GAREM1: variants seen among roughly 807,000 people sequenced by gnomAD.
The protein encoded by GAREM1 is GRB2 associated regulator of MAPK1 subtype 1, also known as GRB2-associated and regulator of MAPK protein 1.
In GAREM1, 26 loss-of-function variants were observed where a neutral mutation model predicts 71.3. The observed-to-expected ratio is 0.36, with a 90% CI of 0.27 to 0.51. The LOEUF is 0.51. GAREM1 is among the 20% of genes least tolerant of loss of function. The pLI is 0.95. For synonymous variants in GAREM1, 440 were observed against 433.2 expected, an observed-to-expected ratio of 1.02 and a Z score of -0.20; for missense variants, 1,026 against 1,103.1, an observed-to-expected ratio of 0.93 and a Z score of 0.99.
intron 2 of GAREM1, among the ~76,000 whole-genome samples, chr18:32,333,724 T>C (rs1382125123): frequency 6.6e-6 from 1 of 152,192 alleles, no homozygotes; most frequent in African/African-American, 2.4e-5. Flanking sequence ...TCTACAACAT[T>C]AGCTGCTCTG....
chr18:32,315,758 T>C (rs1265303523), intron 2 of GAREM1, among the ~76,000 whole-genome samples: 1 of 152,008 alleles, frequency 6.6e-6, no homozygotes, highest in Non-Finnish European at 1.5e-5. Flanking sequence ...GATTACATGA[T>C]ACAATCCTCT....
In GAREM1 at chr18:32,310,215, TC is replaced by T; in HGVS notation, c.370del (p.Glu124ArgfsTer7). ...TACCTTCACGTTGAATGTGATATCC[TC>T]CATGACGTACACGCGTTCAGGAAAT... The part of the protein sequence containing the change: ...KAFPERVYVM[E>X]DITFNVKVAS... On this transcript the variant is annotated frameshift_variant, in exon 3 of 6. Coordinates refer to ENST00000269209, the MANE Select transcript of GAREM1 (RefSeq NM_001242409.2). LOFTEE classifies it high-confidence loss of function. 1 of 1,614,142 alleles carries T rather than the reference TC, an allele frequency of 6.2e-7. No individual in the cohort carries two copies. Among genetic ancestry groups the T allele is most frequent in the Non-Finnish European group, 8.5e-7 (1 of 1,179,998 alleles).
intron 1 of GAREM1, among the ~76,000 whole-genome samples, chr18:32,455,566 T>C (rs1376147173): frequency 6.6e-6 from 1 of 152,134 alleles, no homozygotes; most frequent in African/African-American, 2.4e-5. Context: ...AGCAAATTCT[T>C]CCCTGGAGAA....
chr18:32,302,246 T>C (rs1418074341), intron 3 of GAREM1, among the ~76,000 whole-genome samples: 1 of 152,182 alleles, frequency 6.6e-6, no homozygotes. Context: ...TCAGCTAACA[T>C]AGCTGTTTCT....
intron 2 of GAREM1, among the ~76,000 whole-genome samples, chr18:32,316,551 C>T (rs2047379631): frequency 6.6e-6 from 1 of 152,154 alleles, no homozygotes; most frequent in African/African-American, 2.4e-5. Flanking sequence ...CTCAAGCCAT[C>T]CTCTTACCTC....
intron 1 of GAREM1, among the ~76,000 whole-genome samples, chr18:32,451,552 T>C (rs1456594643): frequency 6.6e-6 from 1 of 152,174 alleles, no homozygotes; most frequent in Non-Finnish European, 1.5e-5. Context: ...CAGTTATTAA[T>C]CCTGGAAATC....
intron 4 of GAREM1, among the ~76,000 whole-genome samples, chr18:32,273,920 TTTGTTGTTG>T: frequency 6.6e-6 from 1 of 152,148 alleles, no homozygotes; most frequent in South Asian, 2.1e-4. Context: ...AGAAAGGTGT[TTTGTTGTTG>T]TTGTTGTTTT....
intron 3 of GAREM1, among the ~76,000 whole-genome samples, chr18:32,291,541 G>A (rs951832598): frequency 3.3e-5 from 5 of 151,934 alleles, no homozygotes; most frequent in African/African-American, 7.3e-5. Context: ...TGTGCAGAAC[G>A]TTCAGGTTTA....
intron 2 of GAREM1, among the ~76,000 whole-genome samples, chr18:32,367,244 A>AAT (rs1213098106): frequency 1.3e-5 from 2 of 152,236 alleles, no homozygotes; most frequent in Non-Finnish European, 2.9e-5. Flanking sequence ...ACCTAATAGC[A>AAT]ATAGTGCTTA....
In GAREM1 at chr18:32,287,140, C is replaced by T. The variant is rs375712135; in HGVS notation, c.1457G>A (p.Arg486Gln). ...AAGAGGAGAAGTCGCACATTTGGAT[C>T]GGACAGAACCTCTAAACTGATCACA... Reference protein sequence around the residue: ...NRCDQFRGSVRSKCATSPLPI... With the variant: ...NRCDQFRGSVQSKCATSPLPI... Residue 486 changes from arginine to glutamine, a missense_variant, in exon 4 of 6, where the codon CGA (arginine) becomes CAA (glutamine). Coordinates refer to ENST00000269209, the MANE Select transcript of GAREM1 (RefSeq NM_001242409.2). This position sits in a 1 kb window ranked among gnomAD's most constrained non-coding sequence, Gnocchi z 5.9. The T allele has an allele frequency of 7.4e-6, 12 of 1,614,096 alleles. No individual in the cohort carries two copies. The highest frequency in any genetic ancestry group is 1.3e-5 in the African/African-American group (1 of 74,934).
chr18:32,433,099 T>C (rs752252323), intron 1 of GAREM1, among the ~76,000 whole-genome samples: 2 of 151,766 alleles, frequency 1.3e-5, no homozygotes, highest in Non-Finnish European at 1.5e-5. Flanking sequence ...AGGAATTCAA[T>C]ATGTGAAATG....
chr18:32,405,030 A>G (rs2048352954), intron 1 of GAREM1, among the ~76,000 whole-genome samples: 1 of 152,192 alleles, frequency 6.6e-6, no homozygotes, highest in Non-Finnish European at 1.5e-5. Flanking sequence ...TATTTTACCA[A>G]TATCAAAAGG....
In GAREM1 at chr18:32,290,062, G is replaced by A. The variant is rs763726646; in HGVS notation, c.394-1859C>T. Among the ~76,000 whole-genome samples, 71 of 151,550 alleles carry A rather than the reference G, an allele frequency of 4.7e-4. 1 individual carries two copies. The highest frequency in any genetic ancestry group is 6.9e-3 in the Middle Eastern group (2 of 290). On this transcript the variant is annotated intron_variant, in intron 3 of 5. Transcript: ENST00000269209. ...GAGTCATCCCTTTCATCACTAATTT[G>A]CAGTGTCACTTTTACTGTATACTAA...
At chr18:32,360,077 G>A (rs1336353997) in intron 2 of GAREM1, among the ~76,000 whole-genome samples, 1 of 151,754 alleles carries the variant, frequency 6.6e-6, no homozygotes, top group Non-Finnish European at 1.5e-5. Flanking sequence ...TCTCTAATTT[G>A]TTTTCTTCCT....
intron 2 of GAREM1, among the ~76,000 whole-genome samples, chr18:32,371,988 T>C (rs2047984599): frequency 6.6e-6 from 1 of 151,996 alleles, no homozygotes; most frequent in Admixed American, 6.6e-5. Context: ...ATGAAGTAAA[T>C]GAGAGGTTAT....
At chr18:32,432,200 T>A (rs1041172597) in intron 1 of GAREM1, among the ~76,000 whole-genome samples, 2 of 152,182 alleles carry the variant, frequency 1.3e-5, no homozygotes, top group African/African-American at 4.8e-5. Context: ...ATAAATATGA[T>A]GGTGCAAAGA....
At chr18:32,289,691 AG>A (rs1303274312) in intron 3 of GAREM1, among the ~76,000 whole-genome samples, 1 of 152,162 alleles carries the variant, frequency 6.6e-6, no homozygotes, top group Non-Finnish European at 1.5e-5. Context: ...TATACCCACT[AG>A]GGGGCAATGT....
chr18:32,351,604 G>A (rs185684571), intron 2 of GAREM1, among the ~76,000 whole-genome samples: 63 of 152,124 alleles, frequency 4.1e-4, no homozygotes, highest in Non-Finnish European at 7.5e-4. Context: ...CTAGGATGAT[G>A]CTACACACAC....
chr18:32,364,026 A>ATATTTTT (rs1336753011), intron 2 of GAREM1, among the ~76,000 whole-genome samples: 1 of 46,418 alleles, frequency 2.2e-5, no homozygotes, highest in African/African-American at 1.6e-4. Context: ...ATATATATAT[A>ATATTTTT]TGTTTTTTTT....
Sources: gnomAD v4.1 joint callset for allele counts (sites outside exome capture counted in the v4.1 genomes callset) on GRCh38, gnomAD v4.1.1 for gene constraint, Gnocchi (gnomAD v3.1) non-coding constraint, MANE v1.5 for transcripts, NCBI Gene and HGNC (gene_info 2026-07-23, HGNC 2026-07-21) for gene names.